The following TMPRSS11B variants were observed in gnomAD, a reference collection of about 807,000 sequenced individuals.
The protein encoded by TMPRSS11B is transmembrane protease serine 11B.
A neutral mutation model predicts 44.7 loss-of-function variants in TMPRSS11B; 53 were observed. That is an observed-to-expected ratio of 1.19 (90% confidence interval 0.95 to 1.49). The LOEUF (loss-of-function observed/expected upper bound fraction) is 1.49. TMPRSS11B is among the 40% of genes most tolerant of loss of function. The pLI is 0.00. For synonymous variants in TMPRSS11B, 140 were observed against 159.2 expected, an observed-to-expected ratio of 0.88 and a Z score of 0.91; for missense variants, 526 against 494.8, an observed-to-expected ratio of 1.06 and a Z score of -0.60.
At chr4:68,233,695 A>G (rs560585285) in intron 5 of TMPRSS11B, among the ~76,000 whole-genome samples, 1 of 152,230 alleles carries the variant, frequency 6.6e-6, no homozygotes, top group East Asian at 1.9e-4. Context: ...CTTGTTTTCT[A>G]GGGAATTTTC....
At chr4:68,231,176 T>C (rs1384764421) in intron 7 of TMPRSS11B, 27 bp downstream of exon 7, 2 of 1,586,696 alleles carry the variant, frequency 1.3e-6, no homozygotes, top group East Asian at 2.3e-5. Context: ...CCTAGCATCC[T>C]TCATTTAGTC....
intron 6 of TMPRSS11B, chr4:68,232,131 T>G (rs1406969519): frequency 2.5e-5 from 7 of 281,092 alleles, no homozygotes; most frequent in Non-Finnish European, 4.6e-5. Context: ...ATGATATTTT[T>G]CACTCACAGT....
chr4:68,228,984 GTCAGGCC>G, intron 8 of TMPRSS11B, 100 bp from the exon 9 acceptor site: 1 of 1,280,150 alleles, frequency 7.8e-7, no homozygotes, highest in Non-Finnish European at 1.1e-6. Flanking sequence ...GTCACCAAGA[GTCAGGCC>G]AGTCCCAGGT....
intron 4 of TMPRSS11B, 27 bp downstream of exon 4, chr4:68,235,975 T>A: frequency 6.9e-7 from 1 of 1,453,808 alleles, no homozygotes; most frequent in Non-Finnish European, 9.3e-7. Flanking sequence ...TTTCCTTTCA[T>A]AAAATCTTAA....
Position 68,236,071 on chromosome 4 carries a change from T to A in TMPRSS11B, c.241-2A>T. On this transcript the variant is annotated splice_acceptor_variant, in intron 3 of 9. Transcript: ENST00000332644. LOFTEE classifies it high-confidence loss of function. ...GGAATTTTGAAATGCATTTAACATC[T>A]GACAAGAGAAAAAAAACAGTCATCA... 1 of 1,590,478 alleles carries A rather than the reference T, an allele frequency of 6.3e-7. No homozygotes were observed. Among genetic ancestry groups the A allele is most frequent in the South Asian group, 1.2e-5 (1 of 85,316 alleles).
At chr4:68,234,420 A>C in intron 5 of TMPRSS11B, 43 bp downstream of exon 5, 1 of 1,502,468 alleles carries the variant, frequency 6.7e-7, no homozygotes, top group Non-Finnish European at 8.8e-7. Flanking sequence ...AATAATCCAG[A>C]AAAAACCTAT....
intron 7 of TMPRSS11B, among the ~76,000 whole-genome samples, chr4:68,230,055 T>C (rs914262715): frequency 6.6e-6 from 1 of 152,206 alleles, no homozygotes; most frequent in Non-Finnish European, 1.5e-5. Flanking sequence ...GTTTGGATAA[T>C]AGCCTGCAAC....
chr4:68,227,760 T>C lies in TMPRSS11B; in HGVS notation c.*151A>G. 2.5e-6 allele frequency: 1 copy of C among 401,668 alleles called. No homozygotes were observed. Among genetic ancestry groups the C allele is most frequent in the Non-Finnish European group, 3.7e-6 (1 of 267,142 alleles). The allele number at this position is 401,668 out of a possible 1,614,324, so 24.9% of individuals were successfully genotyped here. A position where few individuals can be genotyped will look rare whatever the true frequency, so the allele number is the denominator to read the frequency against. Reference sequence around the variant, plus strand: ...GATTAATAAATGCATGGACAGTGTTTTAGATATAATAAAATATTAATAAAG... The same window carrying C: ...GATTAATAAATGCATGGACAGTGTTCTAGATATAATAAAATATTAATAAAG... On this transcript the variant is annotated 3_prime_UTR_variant, in exon 10 of 10. Coordinates refer to ENST00000332644, the MANE Select transcript of TMPRSS11B (RefSeq NM_182502.3).
At chr4:68,234,353 A>G (rs988508334) in intron 5 of TMPRSS11B, 110 bp downstream of exon 5, 15 of 1,136,846 alleles carry the variant, frequency 1.3e-5, no homozygotes, top group Admixed American at 4.9e-5. Flanking sequence ...TTAGGTACGC[A>G]TATTTTTTTC....
chr4:68,232,858 C>A (rs1029327913), intron 5 of TMPRSS11B, among the ~76,000 whole-genome samples: 1 of 124,200 alleles, frequency 8.1e-6, no homozygotes, highest in Non-Finnish European at 1.6e-5. Context: ...GTCCCTCCCC[C>A]CTCCCCCTTA....
Position 68,241,723 on chromosome 4 carries a change from T to C in TMPRSS11B, c.90A>G (p.Val30=). Reference sequence around the variant, plus strand: ...GAAAATGAACAAGAAGACCAATGGTTACTCCCAAGATTGCCGCCACTCCAA... The same window carrying C: ...GAAAATGAACAAGAAGACCAATGGTCACTCCCAAGATTGCCGCCACTCCAA... ...IFLGVAAILG[V]TIGLLVHFLA... is the part of the protein sequence containing the mutation. The change falls in exon 2 of 10, where the codon GTA becomes GTG. Residue 30 remains valine (V), a synonymous_variant. Transcript: ENST00000332644. The C allele has an allele frequency of 2.5e-6, 4 of 1,613,064 alleles. No individual in the cohort carries two copies. Among genetic ancestry groups the C allele is most frequent in the Non-Finnish European group, 3.4e-6 (4 of 1,179,300 alleles).
Position 68,229,268 on chromosome 4 carries a change from AGTGT to A in TMPRSS11B, c.931_934del (p.Thr311PhefsTer3). On this transcript the variant is annotated frameshift_variant, in exon 8 of 10. Coordinates refer to ENST00000332644, the MANE Select transcript of TMPRSS11B (RefSeq NM_182502.3). LOFTEE classifies it high-confidence loss of function. Reference sequence around the variant, plus strand: ...ACAAAAAAACTTACCATTCATATAAAGTGTTCCCCAACCTGTAACTACAACATTG... The same window carrying A: ...ACAAAAAAACTTACCATTCATATAAATCCCCAACCTGTAACTACAACATTG... 1 of 1,600,868 alleles carries A rather than the reference AGTGT, an allele frequency of 6.2e-7. No homozygotes were observed. The highest frequency in any genetic ancestry group is 8.5e-7 in the Non-Finnish European group (1 of 1,173,916).
Position 68,236,233 on chromosome 4 carries a change from A to G in TMPRSS11B, c.158T>C (p.Ile53Thr). ...ATTATCATTGTATGTGACTCCAGAAATATGAAAATCACCTTGATAATAGTA... is the reference window on the plus strand; with the variant it reads ...ATTATCATTGTATGTGACTCCAGAAGTATGAAAATCACCTTGATAATAGTA... ...KTYYYQGDFH[I>T]SGVTYNDNCE... Residue 53 changes from isoleucine (I) to threonine (T), a missense_variant, in exon 3 of 10, where the codon ATT becomes ACT. Ile to Thr is a moderately conservative substitution (Grantham distance 89, BLOSUM62 -1). Coordinates refer to ENST00000332644, the MANE Select transcript of TMPRSS11B (RefSeq NM_182502.3). 6.2e-7 allele frequency: 1 copy of G among 1,611,770 alleles called. No individual in the cohort carries two copies. The highest frequency in any genetic ancestry group is 1.1e-5 in the South Asian group (1 of 90,682).
chr4:68,245,026 A>T (rs1719960961), intron 1 of TMPRSS11B, among the ~76,000 whole-genome samples: 1 of 152,168 alleles, frequency 6.6e-6, no homozygotes. Flanking sequence ...TTTCTCCTGG[A>T]ACTTTGAACA....
intron 1 of TMPRSS11B, among the ~76,000 whole-genome samples, chr4:68,242,239 T>TG (rs1560445398): frequency 2.4e-5 from 2 of 83,366 alleles, no homozygotes; most frequent in Admixed American, 4.1e-4. Flanking sequence ...ATTATATATA[T>TG]TATATTATAT....
intron 4 of TMPRSS11B, 72 bp from the exon 5 acceptor site, chr4:68,234,695 C>T: frequency 1.4e-6 from 2 of 1,466,394 alleles, no homozygotes; most frequent in East Asian, 2.3e-5. Flanking sequence ...CATTAAATTT[C>T]ACACATTTTA....
At chr4:68,238,561 A>C in intron 2 of TMPRSS11B, among the ~76,000 whole-genome samples, 1 of 17,228 alleles carries the variant, frequency 5.8e-5, no homozygotes, top group East Asian at 0.5. Context: ...CATCTCTACT[A>C]AAAAAAAAAA....
At position 68,229,478 on chromosome 4, in the gene TMPRSS11B, A is replaced by G; in HGVS notation, c.725T>C (p.Ile242Thr). ...TGTCATATATGGTTTATTTACTACA[A>G]TTCCAAAGTTGACAGTCCAATCTTT... ...NSKDWTVNFGIVVNKPYMTRK... is the reference protein window; with the variant it reads ...NSKDWTVNFGTVVNKPYMTRK... The change falls in exon 8 of 10, where the codon ATT becomes ACT. Residue 242 changes from isoleucine (I) to threonine (T), a missense_variant. Ile to Thr is a moderately conservative substitution (Grantham distance 89). Transcript: ENST00000332644. 6.2e-7 allele frequency: 1 copy of G among 1,613,328 alleles called. No homozygotes were observed. Among genetic ancestry groups the G allele is most frequent in the Non-Finnish European group, 8.5e-7 (1 of 1,179,570 alleles).
At chr4:68,228,186 C>CA in intron 9 of TMPRSS11B, 114 bp from the exon 10 acceptor site, 3 of 970,640 alleles carry the variant, frequency 3.1e-6, no homozygotes, top group Non-Finnish European at 4.4e-6. Context: ...TCTCTTTGGG[C>CA]TTAGAACTCT....
Sources: allele counts gnomAD v4.1 joint callset (sites outside exome capture counted in the v4.1 genomes callset), GRCh38; gene constraint gnomAD v4.1.1; transcripts MANE v1.5; gene names NCBI Gene and HGNC (gene_info 2026-07-23, HGNC 2026-07-21).